Variants in MECOM observed in about 807,000 individuals in gnomAD.
The protein encoded by MECOM is MDS1 and EVI1 complex locus, also known as histone-lysine N-methyltransferase MECOM.
Under a neutral mutation model 116.3 loss-of-function variants are expected in MECOM, and 13 were observed. That is an observed-to-expected ratio of 0.11 (90% CI 0.07 to 0.18). MECOM has a LOEUF of 0.18. Ranked by LOEUF, MECOM falls within the 10% of genes least tolerant of loss-of-function variation. The probability of loss-of-function intolerance (pLI) is 1.00; values close to 1 mark genes in which losing one functional copy is unlikely to be tolerated. For synonymous variants in MECOM, 528 were observed against 535.2 expected (o/e 0.99, Z 0.19); for missense variants, 1,299 against 1,509.0 (o/e 0.86, Z 2.31).
chr3:169,139,070 TAG>T (rs1737282204), intron 3 of MECOM, among the ~76,000 whole-genome samples: 1 of 152,090 alleles, frequency 6.6e-6, no homozygotes, highest in Admixed American at 6.6e-5. Context: ...GAAAACACTG[TAG>T]AGTCTTGTTG....
rs146953917 is a variant in MECOM at position 169,212,366 on chromosome 3, A to T, written c.376-68534T>A. Among the ~76,000 whole-genome samples the T allele has an allele frequency of 1.1e-4, 16 of 151,798 alleles. No homozygotes were observed. The East Asian group carries it at 2.3e-3, about 22-fold the overall frequency. ...GAATAAAACTCAGACGCTTTATACC[A>T]TGACCTGAATAGCTCTACCATACTC... is the stretch of plus-strand genomic sequence containing the variant. On this transcript the variant is annotated intron_variant, in intron 2 of 16. Coordinates refer to ENST00000651503, the MANE Select transcript of MECOM (RefSeq NM_004991.4).
intron 2 of MECOM, among the ~76,000 whole-genome samples, chr3:169,302,403 C>G (rs920903460): frequency 6.6e-6 from 1 of 152,088 alleles, no homozygotes; most frequent in African/African-American, 2.4e-5. Context: ...GTCTGTGTGC[C>G]TCAGGGTTTT....
chr3:169,466,168 C>T (rs1211230988), intron 1 of MECOM, among the ~76,000 whole-genome samples: 1 of 152,182 alleles, frequency 6.6e-6, no homozygotes, highest in Non-Finnish European at 1.5e-5. Context: ...AGGAATCCAT[C>T]AGTCCAACAG....
chr3:169,251,983 AC>A (rs1756298158), intron 2 of MECOM, among the ~76,000 whole-genome samples: 1 of 152,210 alleles, frequency 6.6e-6, no homozygotes, highest in Non-Finnish European at 1.5e-5. Context: ...TTTTAGATGT[AC>A]ATTTATTTTA....
intron 2 of MECOM, among the ~76,000 whole-genome samples, chr3:169,370,131 C>A (rs927992654): frequency 4.0e-5 from 6 of 151,870 alleles, no homozygotes; most frequent in African/African-American, 7.2e-5. Context: ...GGGAGAAATA[C>A]TGTTATTCAA....
At position 169,472,512 on chromosome 3, in the gene MECOM, G is replaced by GAAAA. The variant is rs1560317663; in HGVS notation, c.38-90989_38-90988insTTTT. Among the ~76,000 whole-genome samples the GAAAA allele has an allele frequency of 5.5e-3, 496 of 90,876 alleles. 48 individuals are homozygous for GAAAA. Among genetic ancestry groups the GAAAA allele is most frequent in the African/African-American group, 0.017 (340 of 19,584 alleles). 59.6% of individuals were successfully genotyped at this position (90,876 alleles called of 152,430 possible). On this transcript the variant is annotated intron_variant, in intron 1 of 16. Coordinates refer to ENST00000651503, the MANE Select transcript of MECOM (RefSeq NM_004991.4). ...GGAAAGGAAAGGAAAGGAAAGGAAAGGAAAGGAAAGAAAAGAAAAGAAAAG... is the reference window on the plus strand; with the variant it reads ...GGAAAGGAAAGGAAAGGAAAGGAAAGAAAAGAAAGGAAAGAAAAGAAAAGAAAAG...
At chr3:169,608,441 A>G (rs908549283) in intron 1 of MECOM, among the ~76,000 whole-genome samples, 2 of 152,124 alleles carry the variant, frequency 1.3e-5, no homozygotes, top group African/African-American at 2.4e-5. Context: ...AATATGACCT[A>G]GAGATTTTCA....
chr3:169,310,489 T>A (rs1480330755), intron 2 of MECOM, among the ~76,000 whole-genome samples: 1 of 152,208 alleles, frequency 6.6e-6, no homozygotes, highest in Non-Finnish European at 1.5e-5. Flanking sequence ...TTTTGGAAAG[T>A]CCCATTAATT....
intron 2 of MECOM, among the ~76,000 whole-genome samples, chr3:169,235,154 A>G (rs1390863523): frequency 6.6e-6 from 1 of 152,206 alleles, no homozygotes; most frequent in Non-Finnish European, 1.5e-5. Context: ...TTGACTTGCC[A>G]CTGACTTCTA....
intron 1 of MECOM, among the ~76,000 whole-genome samples, chr3:169,462,423 C>A (rs1747603136): frequency 6.6e-6 from 1 of 152,140 alleles, no homozygotes; most frequent in Non-Finnish European, 1.5e-5. Context: ...AAGAAGACAA[C>A]AATGTTCTAG....
chr3:169,446,851 C>T (rs1744718797), intron 1 of MECOM, among the ~76,000 whole-genome samples: 1 of 152,134 alleles, frequency 6.6e-6, no homozygotes, highest in African/African-American at 2.4e-5. Flanking sequence ...GTGCTACTGC[C>T]CTCATCCCTA....
chr3:169,305,578 A>C (rs1449537888), intron 2 of MECOM, among the ~76,000 whole-genome samples: 1 of 152,234 alleles, frequency 6.6e-6, no homozygotes, highest in East Asian at 1.9e-4. Flanking sequence ...CTTATGCAAG[A>C]AATAAACCTG....
intron 1 of MECOM, among the ~76,000 whole-genome samples, chr3:169,659,775 G>A (rs1179734623): frequency 6.6e-6 from 1 of 152,112 alleles, no homozygotes; most frequent in East Asian, 1.9e-4. Context: ...TGTTGTGGGG[G>A]GGTTGTTTTG....
intron 2 of MECOM, among the ~76,000 whole-genome samples, chr3:169,322,052 G>A (rs1720958067): frequency 6.6e-6 from 1 of 151,894 alleles, no homozygotes; most frequent in South Asian, 2.1e-4. Flanking sequence ...AAATAATATT[G>A]GTTTCTTCAC....
At chr3:169,105,013 A>G (rs2148980753) in intron 10 of MECOM, among the ~76,000 whole-genome samples, 1 of 152,276 alleles carries the variant, frequency 6.6e-6, no homozygotes, top group Non-Finnish European at 1.5e-5. Context: ...GTGTCAAATG[A>G]AAAGAGGATT....
At chr3:169,119,792 G>T (rs1347952731) in intron 7 of MECOM, among the ~76,000 whole-genome samples, 1 of 152,118 alleles carries the variant, frequency 6.6e-6, no homozygotes, top group Non-Finnish European at 1.5e-5. Flanking sequence ...TCTATTGAAT[G>T]CTTTATTTCC....
chr3:169,483,779 C>T, intron 1 of MECOM: 1 of 1,611,124 alleles, frequency 6.2e-7, no homozygotes, highest in Non-Finnish European at 8.5e-7. Context: ...GTAGATTATT[C>T]TTCTTCAAAT....
chr3:169,418,418 A>G (rs563125835), intron 1 of MECOM, among the ~76,000 whole-genome samples: 16 of 152,298 alleles, frequency 1.1e-4, no homozygotes, highest in African/African-American at 3.6e-4. Flanking sequence ...CATCATCCTG[A>G]TACAAAAACC....
At chr3:169,511,745 G>T (rs1755994427) in intron 1 of MECOM, among the ~76,000 whole-genome samples, 1 of 151,804 alleles carries the variant, frequency 6.6e-6, no homozygotes, top group African/African-American at 2.4e-5. Context: ...CTCCAGTCTG[G>T]GCAACAGAGT....
Sources: allele counts gnomAD v4.1 joint callset (sites outside exome capture counted in the v4.1 genomes callset), GRCh38; gene constraint gnomAD v4.1.1; transcripts MANE v1.5; gene names NCBI Gene and HGNC (gene_info 2026-07-23, HGNC 2026-07-21).